The following HSPA4 variants were observed in gnomAD, a reference collection of about 807,000 sequenced individuals.
The protein encoded by HSPA4 is heat shock 70 kDa protein 4.
HSPA4 carries 25 observed loss-of-function variants against 106.2 expected under a neutral mutation model. That is an observed-to-expected ratio of 0.24 (90% confidence interval 0.17 to 0.33). The LOEUF (loss-of-function observed/expected upper bound fraction) is 0.33, where lower values mean the gene tolerates loss of function less well. HSPA4 is among the 10% of genes least tolerant of loss of function. HSPA4 has a pLI of 1.00. For missense variants in HSPA4, 841 were observed against 996.0 expected (o/e 0.84, Z 2.10); for synonymous variants, 332 against 333.6 (o/e 1.00, Z 0.05).
At position 133,105,970 on chromosome 5, in the gene HSPA4, G is replaced by C. The variant is rs1469291522; in HGVS notation, c.*1534G>C. 1 of 151,830 alleles carries C rather than the reference G, an allele frequency of 6.6e-6. No individual in the cohort carries two copies. The highest frequency in any genetic ancestry group is 1.5e-5 in the Non-Finnish European group (1 of 68,006). The allele number at this position is 151,830 out of a possible 1,614,324, so 9.4% of individuals were successfully genotyped here. On this transcript the variant is annotated 3_prime_UTR_variant, in exon 19 of 19. Coordinates refer to ENST00000304858, the MANE Select transcript of HSPA4 (RefSeq NM_002154.4). ...TTAGCACATCCTCTGTTCTCTACCTGTCATGCTTCAAGAGTTCCAGCTGGC... is the reference window on the plus strand; with the variant it reads ...TTAGCACATCCTCTGTTCTCTACCTCTCATGCTTCAAGAGTTCCAGCTGGC...
chr5:133,091,719 G>T (rs1765650090), intron 12 of HSPA4, among the ~76,000 whole-genome samples: 1 of 152,138 alleles, frequency 6.6e-6, no homozygotes, highest in Non-Finnish European at 1.5e-5. Flanking sequence ...ACTGGGTCTT[G>T]TCTTCATTGT....
intron 5 of HSPA4, among the ~76,000 whole-genome samples, chr5:133,073,787 T>A (rs1044976572): frequency 5.3e-5 from 8 of 152,214 alleles, no homozygotes; most frequent in African/African-American, 1.9e-4. Flanking sequence ...TTGGCAACTG[T>A]AAGGAAGTCT....
chr5:133,089,184 A>G, intron 10 of HSPA4, 23 bp downstream of exon 10: 1 of 1,303,630 alleles, frequency 7.7e-7, no homozygotes, highest in South Asian at 1.3e-5. Context: ...TTAATCATTT[A>G]CATATCTAAA....
At chr5:133,083,453 T>TA (rs1396485587) in intron 7 of HSPA4, among the ~76,000 whole-genome samples, 2 of 152,230 alleles carry the variant, frequency 1.3e-5, no homozygotes, top group Non-Finnish European at 2.9e-5. Flanking sequence ...TCCCACCACT[T>TA]AGAGTCTACT....
chr5:133,067,229 A>G (rs1237699008), intron 2 of HSPA4, among the ~76,000 whole-genome samples, 188 bp from the exon 3 acceptor site: 1 of 152,184 alleles, frequency 6.6e-6, no homozygotes. Flanking sequence ...TCTGAGACCC[A>G]TGCAAATCCC....
intron 3 of HSPA4, 124 bp downstream of exon 3, chr5:133,067,681 C>T: frequency 1.2e-6 from 1 of 830,700 alleles, no homozygotes; most frequent in Non-Finnish European, 1.9e-6. Flanking sequence ...TTAGGGAAAG[C>T]TTTTTTCTAG....
At chr5:133,068,795 A>G (rs1011290127) in intron 3 of HSPA4, among the ~76,000 whole-genome samples, 2 of 152,242 alleles carry the variant, frequency 1.3e-5, no homozygotes, top group Admixed American at 6.5e-5. Flanking sequence ...GTATTGGCAG[A>G]TTTATTCATA....
At chr5:133,080,379 T>G (rs1425698594) in intron 7 of HSPA4, among the ~76,000 whole-genome samples, 1 of 137,630 alleles carries the variant, frequency 7.3e-6, no homozygotes, top group African/African-American at 2.9e-5. Context: ...CACACCACAT[T>G]GCACTCCAGC....
intron 1 of HSPA4, among the ~76,000 whole-genome samples, chr5:133,058,602 C>T (rs1202222275): frequency 3.3e-5 from 5 of 151,726 alleles, no homozygotes; most frequent in Non-Finnish European, 5.9e-5. Flanking sequence ...TGCTTGAATT[C>T]GGGAGGTGGA....
chr5:133,103,262 T>G (rs1361382467), intron 17 of HSPA4, among the ~76,000 whole-genome samples: 1 of 152,108 alleles, frequency 6.6e-6, no homozygotes, highest in East Asian at 1.9e-4. Flanking sequence ...GGGCTCATTG[T>G]GTTGTCCAGG....
chr5:133,075,031 A>G (rs773607529), intron 6 of HSPA4, among the ~76,000 whole-genome samples: 16 of 152,160 alleles, frequency 1.1e-4, no homozygotes, highest in Non-Finnish European at 1.8e-4. Flanking sequence ...CAAACTAAAT[A>G]TTTGGTAATT....
intron 15 of HSPA4, among the ~76,000 whole-genome samples, chr5:133,098,247 C>T (rs1765739304): frequency 6.6e-6 from 1 of 152,164 alleles, no homozygotes; most frequent in African/African-American, 2.4e-5. Context: ...TATTTTGCTA[C>T]TTTTTATGAC....
chr5:133,093,043 C>G (rs1335389340), intron 13 of HSPA4, among the ~76,000 whole-genome samples: 2 of 148,562 alleles, frequency 1.3e-5, no homozygotes, highest in African/African-American at 5.0e-5. Flanking sequence ...GTTGGCTAGG[C>G]AGGTCTCGAA....
At position 133,086,828 on chromosome 5, in the gene HSPA4, C is replaced by A; in HGVS notation, c.955C>A (p.Pro319Thr). The change falls in exon 8 of 19, where the codon CCA becomes ACA. Residue 319 changes from proline (P) to threonine (T), a missense_variant. Coordinates refer to ENST00000304858, the MANE Select transcript of HSPA4 (RefSeq NM_002154.4). ...MCNDLLARVE[P>T]PLRSVLEQTK... ...CAATGATCTCTTAGCTAGAGTGGAG[C>A]CACCACTTCGTAGTGTTTTGGAACA... 1 of 1,613,496 alleles carries A rather than the reference C, an allele frequency of 6.2e-7. No individual in the cohort carries two copies. The highest frequency in any genetic ancestry group is 1.3e-5 in the African/African-American group (1 of 74,994).
At chr5:133,064,609 G>A (rs1192096475) in intron 1 of HSPA4, among the ~76,000 whole-genome samples, 1 of 152,152 alleles carries the variant, frequency 6.6e-6, no homozygotes, top group East Asian at 1.9e-4. Flanking sequence ...TATATTCTTG[G>A]TGAAGTTGTG....
At chr5:133,097,039 A>C in intron 14 of HSPA4, 122 bp from the exon 15 acceptor site, 1 of 669,718 alleles carries the variant, frequency 1.5e-6, no homozygotes, top group South Asian at 2.6e-5. Flanking sequence ...TACCTTTGTT[A>C]TGTGACTTGC....
At position 133,089,097 on chromosome 5, in the gene HSPA4, A is replaced by G. The variant is rs369451836; in HGVS notation, c.1180A>G (p.Ile394Val). The change falls in exon 10 of 19, where the codon ATC becomes GTC. Residue 394 changes from isoleucine to valine, a missense_variant. Transcript: ENST00000304858. ...SPAFKVREFSITDVVPYPISL... is the reference protein window; with the variant it reads ...SPAFKVREFSVTDVVPYPISL... ...TGCTTTCAAAGTCAGAGAATTTTCT[A>G]TCACTGATGTAGTACCATATCCAAT... The G allele has an allele frequency of 3.1e-6, 5 of 1,602,888 alleles. No homozygotes were observed. The highest frequency in any genetic ancestry group is 4.3e-6 in the Non-Finnish European group (5 of 1,174,634).
chr5:133,054,714 G>A (rs1484201199), intron 1 of HSPA4, among the ~76,000 whole-genome samples: 1 of 152,106 alleles, frequency 6.6e-6, no homozygotes, highest in Non-Finnish European at 1.5e-5. Context: ...CCAGGGAAGT[G>A]TATTGTGCCC....
intron 4 of HSPA4, among the ~76,000 whole-genome samples, chr5:133,071,851 A>C (rs1470406879): frequency 2.0e-5 from 3 of 152,152 alleles, no homozygotes; most frequent in Non-Finnish European, 4.4e-5. Flanking sequence ...AAGAATGAAA[A>C]TTCTGTGTTC....
Sources: gnomAD v4.1 joint callset for allele counts (sites outside exome capture counted in the v4.1 genomes callset) on GRCh38, gnomAD v4.1.1 for gene constraint, MANE v1.5 for transcripts, NCBI Gene and HGNC (gene_info 2026-07-23, HGNC 2026-07-21) for gene names.